ZFHX3: variants seen among roughly 807,000 people sequenced by gnomAD.
ZFHX3 encodes zinc finger homeobox 3.
In ZFHX3, 42 loss-of-function variants were observed where a neutral mutation model predicts 279.1. That is an observed-to-expected ratio of 0.15 (90% CI 0.12 to 0.19). The LOEUF (loss-of-function observed/expected upper bound fraction) is 0.19. Among genes scored for constraint, ZFHX3 ranks in the 10% least tolerant of loss-of-function variants. The probability of loss-of-function intolerance (pLI) is 1.00; values close to 1 mark genes in which losing one functional copy is unlikely to be tolerated. For synonymous variants in ZFHX3, 2,293 were observed against 1,957.8 expected (o/e 1.17, Z -4.52); for missense variants, 4,981 against 4,754.0 (o/e 1.05, Z -1.40).
At chr16:73,808,447 G>T (rs1225438276) in intron 1 of ZFHX3, 2 of 152,216 alleles carry the variant, frequency 1.3e-5, no homozygotes, top group Non-Finnish European at 2.9e-5. Context: ...CTGTGAGTGA[G>T]GAGTCCTTCT....
intron 3 of ZFHX3, among the ~76,000 whole-genome samples, chr16:72,916,577 C>T (rs893922490): frequency 1.3e-5 from 2 of 152,150 alleles, no homozygotes; most frequent in South Asian, 2.1e-4. Flanking sequence ...AATTGACTAA[C>T]GAGGATTATT....
chr16:73,610,245 G>A (rs2052231835), intron 2 of ZFHX3: 1 of 152,170 alleles, frequency 6.6e-6, no homozygotes, highest in African/African-American at 2.4e-5. Context: ...GAAATGGAGA[G>A]CGGCCGGGCC....
At chr16:73,109,584 G>A (rs1015858586) in intron 7 of ZFHX3, among the ~76,000 whole-genome samples, 14 of 151,952 alleles carry the variant, frequency 9.2e-5, no homozygotes, top group Non-Finnish European at 1.6e-4. Flanking sequence ...ATTTTCCGGT[G>A]CAGTGCCTCG....
intron 2 of ZFHX3, among the ~76,000 whole-genome samples, chr16:73,656,077 CAG>C (rs907310849): frequency 1.3e-5 from 2 of 152,166 alleles, no homozygotes; most frequent in African/African-American, 2.4e-5. Flanking sequence ...TCACTTGAAT[CAG>C]GGGTTGGCAA....
intron 1 of ZFHX3, among the ~76,000 whole-genome samples, chr16:73,733,999 G>C (rs1259649293): frequency 3.3e-5 from 5 of 152,136 alleles, no homozygotes; most frequent in Non-Finnish European, 7.3e-5. Context: ...TGGGAGGTGG[G>C]GGAAGGTTTC....
At chr16:73,875,831 T>C (rs1343443661) in intron 1 of ZFHX3, among the ~76,000 whole-genome samples, 1 of 152,226 alleles carries the variant, frequency 6.6e-6, no homozygotes, top group African/African-American at 2.4e-5. Flanking sequence ...TAATCATCAA[T>C]GACAAAACCA....
chr16:72,952,629 G>A (rs1961050584), intron 2 of ZFHX3, among the ~76,000 whole-genome samples: 1 of 152,198 alleles, frequency 6.6e-6, no homozygotes, highest in African/African-American at 2.4e-5. Flanking sequence ...ATTGAGACAG[G>A]CAGTGAGACA....
At chr16:73,701,975 A>G (rs933809200) in intron 1 of ZFHX3, among the ~76,000 whole-genome samples, 4 of 152,164 alleles carry the variant, frequency 2.6e-5, no homozygotes, top group Non-Finnish European at 5.9e-5. Flanking sequence ...TAATGAAAAA[A>G]TATTAGAATC....
At chr16:72,878,505 C>T (rs988906871) in intron 4 of ZFHX3, among the ~76,000 whole-genome samples, 1 of 152,222 alleles carries the variant, frequency 6.6e-6, no homozygotes, top group African/African-American at 2.4e-5. Flanking sequence ...ATTAGGAAAA[C>T]CATGCAAACT....
At chr16:73,105,310 TATACACACAC>T (rs1966281616) in intron 7 of ZFHX3, among the ~76,000 whole-genome samples, 2 of 146,346 alleles carry the variant, frequency 1.4e-5, no homozygotes, top group South Asian at 4.3e-4. Flanking sequence ...TATACATATA[TATACACACAC>T]ATACACACAC....
Position 72,793,633 on chromosome 16 carries a change from T to C in ZFHX3, c.9049A>G (p.Thr3017Ala), listed in dbSNP as rs2143382680. 1 of 1,614,162 alleles carries C rather than the reference T, an allele frequency of 6.2e-7. No homozygotes were observed. Among genetic ancestry groups the C allele is most frequent in the Non-Finnish European group, 8.5e-7 (1 of 1,180,022 alleles). The change falls in exon 9 of 10, where the codon ACG (threonine) becomes GCG (alanine). Residue 3017 changes from threonine to alanine, a missense_variant. Transcript: ENST00000268489. The surrounding 1 kb of genome is among the most constrained non-coding windows in gnomAD (Gnocchi z 4.3). The stretch of plus-strand genomic sequence containing the variant: ...TCTGTTTTGGGTCCCTCATAACTCG[T>C]TTGGTTTATACCAAAATGCTTGGCC... ...SMAKHFGINQ[T>A]SYEGPKTECT...
chr16:73,047,016 C>G (rs1965324980), intron 1 of ZFHX3, among the ~76,000 whole-genome samples: 1 of 152,242 alleles, frequency 6.6e-6, no homozygotes, highest in South Asian at 2.1e-4. Context: ...CATGCGTGAG[C>G]TGCAGTCTTT....
chr16:72,969,258 G>C (rs1173553005), intron 1 of ZFHX3, among the ~76,000 whole-genome samples: 2 of 152,078 alleles, frequency 1.3e-5, no homozygotes, highest in Non-Finnish European at 2.9e-5. Context: ...GAGGTGTAGA[G>C]AGACAAAAAC....
chr16:73,222,900 C>G (rs2012467943), intron 5 of ZFHX3, among the ~76,000 whole-genome samples: 1 of 151,908 alleles, frequency 6.6e-6, no homozygotes, highest in Non-Finnish European at 1.5e-5. Context: ...GAATAAAAAG[C>G]CCAGAAATAT....
chr16:73,458,606 C>T (rs1044649134), intron 2 of ZFHX3, among the ~76,000 whole-genome samples: 1 of 152,132 alleles, frequency 6.6e-6, no homozygotes, highest in African/African-American at 2.4e-5. Context: ...GATCCACTCA[C>T]CTCGGCTTAC....
At chr16:73,191,350 G>A (rs533818405) in intron 5 of ZFHX3, among the ~76,000 whole-genome samples, 52 of 152,262 alleles carry the variant, frequency 3.4e-4, no homozygotes, top group South Asian at 6.2e-4. Context: ...AGGCGGTGAT[G>A]ATATTGCTTC....
chr16:72,785,494 T>TTTTG lies in ZFHX3; in HGVS notation c.*1666_*1669dup, dbSNP rs1196341507. 6.5e-6 allele frequency: 1 copy of TTTTG among 152,688 alleles called. No individual in the cohort carries two copies. 9.5% of individuals were successfully genotyped at this position (152,688 alleles called of 1,614,324 possible). Reference sequence around the variant, plus strand: ...AGAAGCACATAACAACCTGGGAATCTTTTGTTTTTCTCTTTCTTTTATTAA... The same window carrying TTTTG: ...AGAAGCACATAACAACCTGGGAATCTTTTGTTTGTTTTTCTCTTTCTTTTATTAA... On this transcript the variant is annotated 3_prime_UTR_variant, in exon 10 of 10. Transcript: ENST00000268489.
At chr16:73,563,728 G>A (rs1284722234) in intron 2 of ZFHX3, among the ~76,000 whole-genome samples, 3 of 152,060 alleles carry the variant, frequency 2.0e-5, no homozygotes, top group Non-Finnish European at 4.4e-5. Context: ...GAAGGAAACT[G>A]ATTACCACCT....
intron 3 of ZFHX3, among the ~76,000 whole-genome samples, chr16:73,326,680 A>G (rs1597285576): frequency 6.6e-6 from 1 of 152,196 alleles, no homozygotes; most frequent in Admixed American, 6.5e-5. Context: ...AATATTCTCA[A>G]CTTAGATTAG....
Sources: gnomAD v4.1 joint callset for allele counts (sites outside exome capture counted in the v4.1 genomes callset) on GRCh38, gnomAD v4.1.1 for gene constraint, Gnocchi (gnomAD v3.1) non-coding constraint, MANE v1.5 for transcripts, NCBI Gene and HGNC (gene_info 2026-07-23, HGNC 2026-07-21) for gene names.